Variants in CCDC126 observed in about 807,000 individuals in gnomAD.
CCDC126 encodes the protein coiled-coil domain-containing protein 126.
Under a neutral mutation model 11.7 loss-of-function variants are expected in CCDC126, and 5 were observed. That is an observed-to-expected ratio of 0.43 (90% CI 0.22 to 0.90). The LOEUF (loss-of-function observed/expected upper bound fraction) is 0.90. Among genes scored for constraint, CCDC126 ranks in the 40% least tolerant of loss-of-function variants. The pLI, the probability that CCDC126 is intolerant of heterozygous loss-of-function variation, is 0.27. For missense variants in CCDC126, 150 were observed against 163.1 expected (o/e 0.92, Z 0.44); for synonymous variants, 60 against 61.9 (o/e 0.97, Z 0.14).
chr7:23,629,292 C>G (rs1367749588), intron 3 of CCDC126, among the ~76,000 whole-genome samples: 1 of 152,178 alleles, frequency 6.6e-6, no homozygotes, highest in South Asian at 2.1e-4. Context: ...CTTCAGAGAG[C>G]TACCTTGTCT....
chr7:23,601,806 C>G (rs1226550406), intron 2 of CCDC126: 4 of 152,162 alleles, frequency 2.6e-5, no homozygotes, highest in Admixed American at 2.0e-4. Context: ...GCCTCACCCT[C>G]CAGAGTAGCT....
At chr7:23,612,541 T>A (rs559198596) in intron 3 of CCDC126, among the ~76,000 whole-genome samples, 1 of 139,180 alleles carries the variant, frequency 7.2e-6, no homozygotes, top group African/African-American at 2.7e-5. Flanking sequence ...GGCATGGTGA[T>A]ACACACCTGT....
At chr7:23,611,649 A>G (rs549298997) in intron 3 of CCDC126, 96 bp downstream of exon 3, 3 of 813,094 alleles carry the variant, frequency 3.7e-6, no homozygotes, top group East Asian at 4.9e-5. Context: ...GGTCTTTGCA[A>G]AGTAATTTTT....
At chr7:23,605,400 TGTGTGTGTGTG>T (rs1562828508) in intron 2 of CCDC126, among the ~76,000 whole-genome samples, 3 of 530 alleles carry the variant, frequency 5.7e-3, no homozygotes, top group Admixed American at 0.048. Flanking sequence ...GTGATATGCT[TGTGTGTGTGTG>T]TGTGTGTGTG....
At chr7:23,622,284 T>C (rs548530459) in intron 3 of CCDC126, among the ~76,000 whole-genome samples, 4 of 152,232 alleles carry the variant, frequency 2.6e-5, no homozygotes, top group African/African-American at 9.6e-5. Flanking sequence ...ATTCAGAGAT[T>C]CAGCTTCTTC....
At chr7:23,637,964 T>TG (rs1369731253) in intron 3 of CCDC126, among the ~76,000 whole-genome samples, 7 of 91,132 alleles carry the variant, frequency 7.7e-5, no homozygotes, top group South Asian at 4.7e-4. Context: ...GGGAGGGAGG[T>TG]GGGGGGGTCA....
chr7:23,626,336 T>G (rs1438664210), intron 3 of CCDC126, among the ~76,000 whole-genome samples: 4 of 152,192 alleles, frequency 2.6e-5, no homozygotes, highest in Non-Finnish European at 4.4e-5. Flanking sequence ...CTACAATAAC[T>G]TAAACATTTA....
chr7:23,608,879 A>G (rs1243218790), intron 2 of CCDC126, among the ~76,000 whole-genome samples: 3 of 152,154 alleles, frequency 2.0e-5, no homozygotes, highest in Non-Finnish European at 4.4e-5. Flanking sequence ...GTTTTTAAGG[A>G]TAATTTGGTA....
intron 3 of CCDC126, among the ~76,000 whole-genome samples, chr7:23,616,377 A>G (rs1187184438): frequency 1.3e-5 from 2 of 151,940 alleles, no homozygotes; most frequent in African/African-American, 4.8e-5. Flanking sequence ...TGGATCTCCT[A>G]TTTTCTAGAA....
chr7:23,626,240 C>A (rs759467971), intron 3 of CCDC126, among the ~76,000 whole-genome samples: 1 of 151,936 alleles, frequency 6.6e-6, no homozygotes, highest in Non-Finnish European at 1.5e-5. Context: ...GATGAGTTAG[C>A]CAGTTATTCT....
In CCDC126 at chr7:23,597,494, G is replaced by C. The variant is rs1782437346; in HGVS notation, c.-342G>C. On this transcript the variant is annotated 5_prime_UTR_variant, in exon 1 of 4. Coordinates refer to ENST00000307471, the MANE Select transcript of CCDC126 (RefSeq NM_138771.4). ...GGCGTTTCTCCAGCTCGATCTGGAG[G>C]CTGCTTCGCCAGTGTGGGACGCAGC... 6.6e-6 allele frequency: 1 copy of C among 152,276 alleles called. No homozygotes were observed. The highest frequency in any genetic ancestry group is 2.1e-4 in the South Asian group (1 of 4,836). The allele number at this position is 152,276 out of a possible 1,614,324, so 9.4% of individuals were successfully genotyped here. A position where few individuals can be genotyped will look rare whatever the true frequency, so the allele number is the denominator to read the frequency against.
intron 2 of CCDC126, among the ~76,000 whole-genome samples, chr7:23,607,623 G>A (rs1782643104): frequency 6.6e-6 from 1 of 152,120 alleles, no homozygotes; most frequent in Non-Finnish European, 1.5e-5. Context: ...ATCACAGACA[G>A]TTCTCTGAGA....
chr7:23,618,965 T>C (rs1782842358), intron 3 of CCDC126, among the ~76,000 whole-genome samples: 2 of 152,286 alleles, frequency 1.3e-5, no homozygotes, highest in African/African-American at 4.8e-5. Flanking sequence ...GGAGAAGCAC[T>C]TCCTGTCTGT....
intron 1 of CCDC126, 72 bp from the exon 2 acceptor site, chr7:23,597,894 CG>C (rs1027363592): frequency 2.0e-5 from 3 of 152,230 alleles, no homozygotes; most frequent in African/African-American, 7.2e-5. Flanking sequence ...TCGAGCGGGG[CG>C]GGCTTGGTCC....
chr7:23,599,403 C>A (rs1043291438), intron 2 of CCDC126, among the ~76,000 whole-genome samples: 1 of 152,068 alleles, frequency 6.6e-6, no homozygotes, highest in Admixed American at 6.6e-5. Context: ...GGACATGTGG[C>A]ACAAAACATG....
At chr7:23,599,941 T>C (rs527600643) in intron 2 of CCDC126, among the ~76,000 whole-genome samples, 2 of 152,178 alleles carry the variant, frequency 1.3e-5, no homozygotes, top group African/African-American at 4.8e-5. Flanking sequence ...TGCACCACCA[T>C]GCCTGGCTAA....
At chr7:23,637,796 G>C (rs1314436925) in intron 3 of CCDC126, among the ~76,000 whole-genome samples, 2 of 70,478 alleles carry the variant, frequency 2.8e-5, no homozygotes, top group African/African-American at 9.9e-5. Flanking sequence ...GGAGGGAGGC[G>C]GGGAGGGGGG....
intron 3 of CCDC126, among the ~76,000 whole-genome samples, chr7:23,632,794 C>A (rs1416252853): frequency 5.9e-5 from 9 of 152,170 alleles, no homozygotes; most frequent in Non-Finnish European, 1.3e-4. Flanking sequence ...AAAGGAAAGT[C>A]AATCTCAGAA....
chr7:23,625,270 A>G (rs536854084), intron 3 of CCDC126, among the ~76,000 whole-genome samples: 13 of 152,244 alleles, frequency 8.5e-5, no homozygotes, highest in African/African-American at 3.1e-4. Context: ...ATGTGTGTGT[A>G]TATGTATTTC....
Sources: allele counts gnomAD v4.1 joint callset (sites outside exome capture counted in the v4.1 genomes callset), GRCh38; gene constraint gnomAD v4.1.1; transcripts MANE v1.5; gene names NCBI Gene and HGNC (gene_info 2026-07-23, HGNC 2026-07-21).